The following RSU1 variants were observed in gnomAD, a reference collection of about 807,000 sequenced individuals.
The protein encoded by RSU1 is Ras suppressor protein 1.
In RSU1, 26 loss-of-function variants were observed where a neutral mutation model predicts 31.1. That is an observed-to-expected ratio of 0.84 (90% confidence interval 0.61 to 1.16). RSU1 has a LOEUF of 1.16. Ranked by LOEUF, RSU1 falls within the 50% of genes most tolerant of loss-of-function variation. The pLI is 0.00. For synonymous variants in RSU1, 164 were observed against 136.3 expected, an observed-to-expected ratio of 1.20 and a Z score of -1.41; for missense variants, 320 against 339.1, an observed-to-expected ratio of 0.94 and a Z score of 0.44.
chr10:16,602,807 A>C (rs1049310282), intron 8 of RSU1, among the ~76,000 whole-genome samples: 51 of 152,326 alleles, frequency 3.3e-4, no homozygotes, highest in African/African-American at 1.1e-3. Context: ...TTTTGCTTCT[A>C]ATCTGTAATC....
In RSU1 at chr10:16,816,980, G is replaced by A. The variant is rs560890329; in HGVS notation, c.102C>T (p.Asn34=). ...DRGISNMLDV[N]GLFTLSHITQ... ...TCCTGCCCGAGAACTCACAGAGGCC[G>A]TTGACATCCAGCATGTTGGAGATGC... The change falls in exon 2 of 9, where the codon AAC becomes AAT. Residue 34 remains asparagine (N), a synonymous_variant. Coordinates refer to ENST00000345264, the MANE Select transcript of RSU1 (RefSeq NM_012425.4). 4 of 1,612,242 alleles carry A rather than the reference G, an allele frequency of 2.5e-6. No homozygotes were observed. The highest frequency in any genetic ancestry group is 1.7e-4 in the Middle Eastern group (1 of 6,056).
intron 3 of RSU1, among the ~76,000 whole-genome samples, chr10:16,764,718 A>G (rs1198772289): frequency 6.6e-6 from 1 of 152,218 alleles, no homozygotes; most frequent in African/African-American, 2.4e-5. Context: ...TTCTTCATAT[A>G]TGGTTAGCTA....
chr10:16,675,812 C>A (rs1485752391), intron 8 of RSU1, among the ~76,000 whole-genome samples: 1 of 152,200 alleles, frequency 6.6e-6, no homozygotes, highest in Non-Finnish European at 1.5e-5. Context: ...CATCACCCTG[C>A]CTCTGCTTCC....
intron 8 of RSU1, among the ~76,000 whole-genome samples, chr10:16,647,229 C>T (rs1834588885): frequency 6.6e-6 from 1 of 152,166 alleles, no homozygotes. Flanking sequence ...GCCTCGGCCT[C>T]CCAAAGTGTT....
In RSU1 at chr10:16,657,529, G is replaced by GAAA. The variant is rs397945910; in HGVS notation, c.731+37491_731+37493dup. 3.7e-3 allele frequency among the ~76,000 whole-genome samples: 497 copies of GAAA among 133,104 alleles called. 5 individuals carry two copies. Among genetic ancestry groups the GAAA allele is most frequent in the African/African-American group, 0.013 (472 of 36,934 alleles). 87.3% of individuals were successfully genotyped at this position (133,104 alleles called of 152,430 possible). A position where few individuals can be genotyped will look rare whatever the true frequency, so the allele number is the denominator to read the frequency against. On this transcript the variant is annotated intron_variant, in intron 8 of 8. Transcript: ENST00000345264. ...TTACCATAACATCTCAATCATACTA[G>GAAA]AAAAAAAAAAAAGCAATTCTAGGGT...
At chr10:16,753,225 A>G (rs1382018642) in intron 5 of RSU1, among the ~76,000 whole-genome samples, 17 of 152,202 alleles carry the variant, frequency 1.1e-4, no homozygotes, top group Non-Finnish European at 1.9e-4. Context: ...GAATGACGCA[A>G]TTAACAACTG....
chr10:16,642,149 G>A (rs917447408), intron 8 of RSU1, among the ~76,000 whole-genome samples: 1 of 152,096 alleles, frequency 6.6e-6, no homozygotes, highest in African/African-American at 2.4e-5. Flanking sequence ...GTCACCTGAC[G>A]CATCACCTGA....
At position 16,692,867 on chromosome 10, in the gene RSU1, GTCTAAAGTAA is replaced by G. The variant is rs1254276070; in HGVS notation, c.731+2146_731+2155del. ...CTTATACTGTAAGTGTCATAGTATT[GTCTAAAGTAA>G]TCTAAACCACGCTTTACATTGCTTT... On this transcript the variant is annotated intron_variant, in intron 8 of 8. Coordinates refer to ENST00000345264, the MANE Select transcript of RSU1 (RefSeq NM_012425.4). Among the ~76,000 whole-genome samples the G allele has an allele frequency of 2.0e-5, 3 of 152,088 alleles. No homozygotes were observed. In the East Asian group the frequency reaches 5.8e-4, roughly 29 times the overall value.
intron 4 of RSU1, among the ~76,000 whole-genome samples, chr10:16,760,517 G>GAA (rs71374701): frequency 3.1e-3 from 308 of 100,228 alleles, no homozygotes; most frequent in Non-Finnish European, 4.6e-3. Flanking sequence ...CTCAAAAAAA[G>GAA]AAAAAAAAAA....
At chr10:16,647,187 T>C (rs1481488921) in intron 8 of RSU1, among the ~76,000 whole-genome samples, 2 of 151,914 alleles carry the variant, frequency 1.3e-5, no homozygotes, top group African/African-American at 4.8e-5. Flanking sequence ...TTGGCCAGGA[T>C]AGCCTCAATC....
chr10:16,794,893 C>T (rs182199266), intron 2 of RSU1, among the ~76,000 whole-genome samples: 5 of 152,318 alleles, frequency 3.3e-5, no homozygotes, highest in Admixed American at 2.0e-4. Context: ...GAGACCTGCC[C>T]TGTCATCCCA....
intron 8 of RSU1, among the ~76,000 whole-genome samples, chr10:16,669,543 A>G (rs1483459122): frequency 6.6e-6 from 1 of 152,118 alleles, no homozygotes; most frequent in African/African-American, 2.4e-5. Context: ...TCTTCCTAAC[A>G]GTGACACTCA....
At chr10:16,643,649 G>C (rs962362854) in intron 8 of RSU1, among the ~76,000 whole-genome samples, 1 of 152,098 alleles carries the variant, frequency 6.6e-6, no homozygotes, top group African/African-American at 2.4e-5. Context: ...TTAACTCTGT[G>C]ATCTTGGGAA....
At chr10:16,646,061 TACACACACACACAC>T (rs57414227) in intron 8 of RSU1, among the ~76,000 whole-genome samples, 1 of 78,934 alleles carries the variant, frequency 1.3e-5, no homozygotes, top group Admixed American at 1.3e-4. Context: ...TATATATATA[TACACACACACACAC>T]ACACACACAC....
chr10:16,661,451 G>C (rs112499114), intron 8 of RSU1, among the ~76,000 whole-genome samples: 10 of 152,076 alleles, frequency 6.6e-5, no homozygotes, highest in African/African-American at 2.2e-4. Flanking sequence ...CCACCAATTT[G>C]GAAACAAATT....
chr10:16,791,957 AG>A (rs1245785640), intron 2 of RSU1, among the ~76,000 whole-genome samples: 1 of 152,200 alleles, frequency 6.6e-6, no homozygotes, highest in East Asian at 1.9e-4. Flanking sequence ...GATGGGAAAA[AG>A]TTCTAGTGTC....
chr10:16,727,789 G>A (rs1321045847), intron 7 of RSU1, among the ~76,000 whole-genome samples: 3 of 152,132 alleles, frequency 2.0e-5, no homozygotes, highest in East Asian at 3.9e-4. Flanking sequence ...ATGACAAGTC[G>A]TGCTATTTAG....
chr10:16,743,662 G>C (rs1836793657), intron 7 of RSU1, among the ~76,000 whole-genome samples: 1 of 152,108 alleles, frequency 6.6e-6, no homozygotes, highest in Admixed American at 6.5e-5. Context: ...CATAGTAATA[G>C]GATTTAGGCA....
intron 8 of RSU1, among the ~76,000 whole-genome samples, chr10:16,632,691 C>G (rs1834274430): frequency 6.6e-6 from 1 of 152,134 alleles, no homozygotes; most frequent in African/African-American, 2.4e-5. Context: ...GTAATCCAAG[C>G]ACTTTGAGAG....
Sources: allele counts gnomAD v4.1 joint callset (sites outside exome capture counted in the v4.1 genomes callset), GRCh38; gene constraint gnomAD v4.1.1; transcripts MANE v1.5; gene names NCBI Gene and HGNC (gene_info 2026-07-23, HGNC 2026-07-21).